The following HEY1 variants were observed in gnomAD, a reference collection of about 807,000 sequenced individuals.
HEY1 encodes the protein hairy/enhancer-of-split related with YRPW motif protein 1.
HEY1 carries 9 observed loss-of-function variants against 28.7 expected under a neutral mutation model. That is an observed-to-expected ratio of 0.31 (90% confidence interval 0.19 to 0.55). HEY1 has a LOEUF of 0.55. Among genes scored for constraint, HEY1 ranks in the 20% least tolerant of loss-of-function variants. HEY1 has a pLI of 0.93. For synonymous variants in HEY1, 213 were observed against 175.6 expected, an observed-to-expected ratio of 1.21 and a Z score of -1.68; for missense variants, 385 against 399.4, an observed-to-expected ratio of 0.96 and a Z score of 0.31.
Position 79,766,647 on chromosome 8 carries a change from G to A in HEY1, c.331+4C>T. The A allele has an allele frequency of 1.9e-6, 3 of 1,614,118 alleles. No individual in the cohort carries two copies. Among genetic ancestry groups the A allele is most frequent in the Non-Finnish European group, 2.5e-6 (3 of 1,180,032 alleles). ...AGAGCCCCCACTAGGTCTAGGAGATGTACCTTTCCCTCCTGCCGTATGCAG... is the reference window on the plus strand; with the variant it reads ...AGAGCCCCCACTAGGTCTAGGAGATATACCTTTCCCTCCTGCCGTATGCAG... On this transcript the variant is annotated splice_donor_region_variant and intron_variant, in intron 4 of 4. Transcript: ENST00000354724.
rs971390071 is a variant in HEY1 at position 79,764,911 on chromosome 8, C to T, written c.*277G>A. 3.1e-6 allele frequency: 1 copy of T among 325,874 alleles called. No homozygotes were observed. Among genetic ancestry groups the T allele is most frequent in the South Asian group, 8.5e-5 (1 of 11,710 alleles). The allele number at this position is 325,874 out of a possible 1,614,324, so 20.2% of individuals were successfully genotyped here. A position where few individuals can be genotyped will look rare whatever the true frequency, so the allele number is the denominator to read the frequency against. The stretch of plus-strand genomic sequence containing the variant: ...CAAAGTAAATTAGGCACAGTACAAA[C>T]CTATCACAAAGTGTTGGCTTATACT... On this transcript the variant is annotated 3_prime_UTR_variant, in exon 5 of 5. Transcript: ENST00000354724.
rs1807802099 is a variant in HEY1, at chr8:79,765,347, C to T, written c.756G>A (p.Pro252=). The change falls in exon 5 of 5, where the codon CCG becomes CCA. Residue 252 remains proline (P), a synonymous_variant. Transcript: ENST00000354724. ...GGGAGGCCACTGAGGAGAGCAGAGG[C>T]GGCGACAGTTTGGAGGCGGAGGTGA... The part of the protein sequence containing the change: ...PVVTSASKLS[P]PLLSSVASLS... 6.3e-7 allele frequency: 1 copy of T among 1,577,262 alleles called. No individual in the cohort carries two copies. Among genetic ancestry groups the T allele is most frequent in the Non-Finnish European group, 8.6e-7 (1 of 1,161,110 alleles).
chr8:79,765,462 T>G lies in HEY1; in HGVS notation c.641A>C (p.His214Pro). ...AGTTASPTEP[H>P]HQGRLGSAHP... ...TGCCGAGCCCAGCCTGCCCTGGTGG[T>G]GCGGTTCCGTGGGTGAGGCCGTGGT... Residue 214 changes from histidine (H) to proline (P), a missense_variant, in exon 5 of 5, where the codon CAC becomes CCC. By Grantham distance (77) the His-to-Pro change is moderately conservative. Around this residue, in one of 3 missense-constraint regions of HEY1, gnomAD observed 223 missense variants for 215.9 expected, o/e 1.03. Transcript: ENST00000354724. 1 of 1,613,308 alleles carries G rather than the reference T, an allele frequency of 6.2e-7. No homozygotes were observed. Among genetic ancestry groups the G allele is most frequent in the African/African-American group, 1.3e-5 (1 of 75,052 alleles).
rs1807862790 is a variant in HEY1, at chr8:79,767,098, G to A, written c.166-6C>T. 2.5e-6 allele frequency: 4 copies of A among 1,612,530 alleles called. No individual in the cohort carries two copies. The highest frequency in any genetic ancestry group is 2.2e-5 in the East Asian group (1 of 44,878). Reference sequence around the variant, plus strand: ...CGTCGGCGCTTCTCAATTATCTGCAGAAGGCAAGCAAAACAAAGGAAGGCA... The same window carrying A: ...CGTCGGCGCTTCTCAATTATCTGCAAAAGGCAAGCAAAACAAAGGAAGGCA... On this transcript the variant is annotated splice_region_variant and splice_polypyrimidine_tract_variant and intron_variant, in intron 2 of 4. Transcript: ENST00000354724.
rs1807804797 is a variant in HEY1 at position 79,765,395 on chromosome 8, G to A, written c.708C>T (p.Ser236=). Reference sequence around the variant, plus strand: ...TGACCACAGGGAGCACCGGTCCGAGGCTGCCGCTAGGGGGCGCTCGCAAAG... The same window carrying A: ...TGACCACAGGGAGCACCGGTCCGAGACTGCCGCTAGGGGGCGCTCGCAAAG... ...APALRAPPSG[S]LGPVLPVVTS... The change falls in exon 5 of 5, where the codon AGC becomes AGT. Residue 236 remains serine (S), a synonymous_variant. Coordinates refer to ENST00000354724, the MANE Select transcript of HEY1 (RefSeq NM_012258.4). 6.2e-7 allele frequency: 1 copy of A among 1,604,962 alleles called. No individual in the cohort carries two copies. The highest frequency in any genetic ancestry group is 1.1e-5 in the South Asian group (1 of 90,022).
chr8:79,765,366 G>A lies in HEY1; in HGVS notation c.737C>T (p.Ser246Phe). The A allele has an allele frequency of 1.3e-6, 2 of 1,589,068 alleles. No individual in the cohort carries two copies. Among genetic ancestry groups the A allele is most frequent in the Non-Finnish European group, 1.7e-6 (2 of 1,167,666 alleles). Residue 246 changes from serine to phenylalanine, a missense_variant, in exon 5 of 5, where the codon TCC becomes TTC. Ser to Phe is a radical substitution (Grantham distance 155, BLOSUM62 -2). This residue lies in a region of HEY1 where 223 missense variants were observed against 215.9 expected (regional missense o/e 1.03). Transcript: ENST00000354724. The part of the protein sequence containing the change: ...SLGPVLPVVT[S>F]ASKLSPPLLS... ...CAGAGGCGGCGACAGTTTGGAGGCG[G>A]AGGTGACCACAGGGAGCACCGGTCC...
intron 4 of HEY1, chr8:79,766,267 G>A: frequency 1.3e-6 from 2 of 1,524,506 alleles, no homozygotes; most frequent in Middle Eastern, 1.7e-4. Context: ...GAGGCATGTG[G>A]CAGCACCTTT....
Position 79,765,411 on chromosome 8 carries a change from G to GCT in HEY1, c.690_691dup (p.Ala231GlufsTer50), listed in dbSNP as rs766337315. On this transcript the variant is annotated frameshift_variant, in exon 5 of 5. Transcript: ENST00000354724. LOFTEE classifies it high-confidence loss of function. ...CGGTCCGAGGCTGCCGCTAGGGGGC[G>GCT]CTCGCAAAGCAGGCGCCTCCGGATG... The GCT allele has an allele frequency of 6.2e-7, 1 of 1,609,732 alleles. No homozygotes were observed. The highest frequency in any genetic ancestry group is 1.1e-5 in the South Asian group (1 of 90,534).
chr8:79,766,295 AC>A, intron 4 of HEY1: 28 of 1,517,500 alleles, frequency 1.8e-5, no homozygotes, highest in Non-Finnish European at 2.4e-5. Context: ...AATCCCGTAT[AC>A]CAAAAATAAG....
intron 4 of HEY1, chr8:79,766,243 A>T (rs1807831701): frequency 1.3e-6 from 2 of 1,532,870 alleles, no homozygotes; most frequent in South Asian, 2.4e-5. Flanking sequence ...ACCAGAATAC[A>T]TTTCTTTCCT....
intron 4 of HEY1, chr8:79,766,192 TA>T: frequency 6.5e-7 from 1 of 1,530,690 alleles, no homozygotes; most frequent in South Asian, 1.2e-5. Flanking sequence ...TGGAGAGACA[TA>T]CACACAGACC....
At position 79,765,009 on chromosome 8, in the gene HEY1, GA is replaced by G. The variant is rs147496280; in HGVS notation, c.*178del. On this transcript the variant is annotated 3_prime_UTR_variant, in exon 5 of 5. Coordinates refer to ENST00000354724, the MANE Select transcript of HEY1 (RefSeq NM_012258.4). ...AAAAACTGCTAATACATGACATGAT[GA>G]AAAAAACATTAAAAAAGATAAAAGT... The G allele has an allele frequency of 0.022, 11,736 of 524,034 alleles. 225 individuals are homozygous for G. Among genetic ancestry groups the G allele is most frequent in the Admixed American group, 0.071 (1,907 of 26,910 alleles). The allele number at this position is 524,034 out of a possible 1,614,324, so 32.5% of individuals were successfully genotyped here. A position where few individuals can be genotyped will look rare whatever the true frequency, so the allele number is the denominator to read the frequency against.
rs1807777674 is a variant in HEY1 at position 79,764,438 on chromosome 8, A to C, written c.*750T>G. 4.4e-6 allele frequency: 1 copy of C among 226,168 alleles called. No individual in the cohort carries two copies. Among genetic ancestry groups the C allele is most frequent in the Non-Finnish European group, 8.8e-6 (1 of 113,650 alleles). 14.0% of individuals were successfully genotyped at this position (226,168 alleles called of 1,614,324 possible). The stretch of plus-strand genomic sequence containing the variant: ...AGGCGTATTCTATTCAATTACCTTC[A>C]GTTTCCTTTCCACCAACACTCCAAA... On this transcript the variant is annotated 3_prime_UTR_variant, in exon 5 of 5. Coordinates refer to ENST00000354724, the MANE Select transcript of HEY1 (RefSeq NM_012258.4).
Position 79,764,905 on chromosome 8 carries a change from T to C in HEY1, c.*283A>G. On this transcript the variant is annotated 3_prime_UTR_variant, in exon 5 of 5. Transcript: ENST00000354724. ...GGTTTACAAAGTAAATTAGGCACAG[T>C]ACAAACCTATCACAAAGTGTTGGCT... 1 of 320,358 alleles carries C rather than the reference T, an allele frequency of 3.1e-6. No homozygotes were observed. The highest frequency in any genetic ancestry group is 5.7e-6 in the Non-Finnish European group (1 of 175,656). 19.8% of individuals were successfully genotyped at this position (320,358 alleles called of 1,614,324 possible).
At chr8:79,766,170 G>A (rs1303781815) in intron 4 of HEY1, 1 of 1,492,232 alleles carries the variant, frequency 6.7e-7, no homozygotes, top group Admixed American at 2.2e-5. Context: ...CCTCAGTAAA[G>A]CATTTTCCTG....
rs776347658 is a variant in HEY1, at chr8:79,766,691, G to A, written c.291C>T (p.Thr97=). The A allele has an allele frequency of 2.6e-5, 42 of 1,614,034 alleles. No homozygotes were observed. Among genetic ancestry groups the A allele is most frequent in the Admixed American group, 1.7e-5 (1 of 60,006 alleles). ...KLEKAEILQM[T]VDHLKMLHTA... is the part of the protein sequence containing the mutation. ...TATGCAGCATTTTCAGGTGATCCAC[G>A]GTCATCTGCAGGATCTCGGCTTTTT... Residue 97 remains threonine, a synonymous_variant, in exon 4 of 5, where the codon ACC becomes ACT. Coordinates refer to ENST00000354724, the MANE Select transcript of HEY1 (RefSeq NM_012258.4).
rs751161641 is a variant in HEY1 at position 79,767,703 on chromosome 8, G to A, written c.-40C>T. On this transcript the variant is annotated 5_prime_UTR_variant, in exon 1 of 5. Coordinates refer to ENST00000354724, the MANE Select transcript of HEY1 (RefSeq NM_012258.4). Reference sequence around the variant, plus strand: ...GGTTCCTGGGGAGGGTCGGCGCGGCGGGCAGGGAGGAGTTAACTACAGCGG... The same window carrying A: ...GGTTCCTGGGGAGGGTCGGCGCGGCAGGCAGGGAGGAGTTAACTACAGCGG... 7.4e-6 allele frequency: 11 copies of A among 1,485,752 alleles called. No homozygotes were observed. The highest frequency in any genetic ancestry group is 1.0e-5 in the Non-Finnish European group (11 of 1,091,398). The allele number at this position is 1,485,752 out of a possible 1,614,324, so 92.0% of individuals were successfully genotyped here.
Position 79,765,577 on chromosome 8 carries a change from C to T in HEY1, c.526G>A (p.Gly176Arg), listed in dbSNP as rs779415991. Residue 176 changes from glycine to arginine, a missense_variant, in exon 5 of 5, where the codon GGA (glycine) becomes AGA (arginine). This residue lies in a region of HEY1 where 223 missense variants were observed against 215.9 expected (regional missense o/e 1.03). Transcript: ENST00000354724. ...EAASGAHAGLGHIPWGTVFGH... is the reference protein window; with the variant it reads ...EAASGAHAGLRHIPWGTVFGH... Reference sequence around the variant, plus strand: ...AAGACGGTCCCCCAGGGAATGTGTCCGAGGCCCGCGTGGGCGCCGCTCGCG... The same window carrying T: ...AAGACGGTCCCCCAGGGAATGTGTCTGAGGCCCGCGTGGGCGCCGCTCGCG... 10 of 1,614,032 alleles carry T rather than the reference C, an allele frequency of 6.2e-6. No homozygotes were observed. The South Asian group carries it at 7.7e-5, about 12-fold the overall frequency.
At position 79,767,645 on chromosome 8, in the gene HEY1, CG is replaced by C; in HGVS notation, c.18del (p.Glu7SerfsTer26). 1.9e-6 allele frequency: 3 copies of C among 1,604,818 alleles called. No homozygotes were observed. Among genetic ancestry groups the C allele is most frequent in the South Asian group, 2.2e-5 (2 of 89,066 alleles). ...AGCTCGCTGTCCGAGGAGCTGTACT[CG>C]GGGTGAGCTCGCTTCATGCTGGCTC... MKRAH[P>X]EYSSSDSELD... On this transcript the variant is annotated frameshift_variant, in exon 1 of 5. Coordinates refer to ENST00000354724, the MANE Select transcript of HEY1 (RefSeq NM_012258.4). LOFTEE classifies it high-confidence loss of function.
Sources: gnomAD v4.1 joint callset for allele counts on GRCh38, gnomAD v4.1.1 for gene constraint, gnomAD v4.1.1 regional missense constraint, MANE v1.5 for transcripts, NCBI Gene and HGNC (gene_info 2026-07-23, HGNC 2026-07-21) for gene names.